MLLT3: variants seen among roughly 807,000 people sequenced by gnomAD.
The protein encoded by MLLT3 is protein AF-9.
MLLT3 carries 4 observed loss-of-function variants against 53.2 expected under a neutral mutation model. That is an observed-to-expected ratio of 0.08 (90% CI 0.04 to 0.17). The LOEUF is 0.17. Ranked by LOEUF, MLLT3 falls within the 10% of genes least tolerant of loss-of-function variation. MLLT3 has a pLI of 1.00. For synonymous variants in MLLT3, 283 were observed against 230.6 expected (o/e 1.23, Z -2.06); for missense variants, 569 against 684.0 (o/e 0.83, Z 1.87).
At chr9:20,562,928 G>C (rs1313147931) in intron 2 of MLLT3, among the ~76,000 whole-genome samples, 1 of 152,126 alleles carries the variant, frequency 6.6e-6, no homozygotes, top group Non-Finnish European at 1.5e-5. Flanking sequence ...TTTGCATTTT[G>C]TCTTTATTTT....
rs1820860369 is a variant in MLLT3, at chr9:20,346,160, TTTG to T, written c.*280_*282del. ...GTTTTCTTGTGTTGTGTTTGATTTG[TTTG>T]TTTTCAAGGCTATCCAGGCTAACTC... On this transcript the variant is annotated 3_prime_UTR_variant, in exon 11 of 11. Coordinates refer to ENST00000380338, the MANE Select transcript of MLLT3 (RefSeq NM_004529.4). The T allele has an allele frequency of 2.9e-6, 1 of 346,306 alleles. No homozygotes were observed. Among genetic ancestry groups the T allele is most frequent in the Non-Finnish European group, 5.3e-6 (1 of 189,082 alleles). 21.5% of individuals were successfully genotyped at this position (346,306 alleles called of 1,614,324 possible).
At chr9:20,545,226 G>A (rs150149536) in intron 2 of MLLT3, among the ~76,000 whole-genome samples, 1 of 150,948 alleles carries the variant, frequency 6.6e-6, no homozygotes, top group East Asian at 2.0e-4. Context: ...ACAGTGGAAT[G>A]TTATTGAGTC....
chr9:20,532,882 AG>A (rs1563804662), intron 2 of MLLT3: 1 of 254,162 alleles, frequency 3.9e-6, no homozygotes, highest in Non-Finnish European at 7.6e-6. Flanking sequence ...AAGCAAGACA[AG>A]AAGCAGAGCT....
At chr9:20,433,991 C>T (rs1823341453) in intron 4 of MLLT3, among the ~76,000 whole-genome samples, 2 of 151,048 alleles carry the variant, frequency 1.3e-5, no homozygotes, top group African/African-American at 2.5e-5. Context: ...TATGGTGGCA[C>T]GCACCTGTAG....
chr9:20,404,982 A>AT (rs919533066), intron 5 of MLLT3, among the ~76,000 whole-genome samples: 16 of 152,010 alleles, frequency 1.1e-4, no homozygotes, highest in South Asian at 6.2e-4. Context: ...TTTTATTATA[A>AT]TTTTTTTCTG....
intron 2 of MLLT3, among the ~76,000 whole-genome samples, chr9:20,597,861 A>T (rs550099312): frequency 7.2e-5 from 11 of 152,342 alleles, no homozygotes; most frequent in African/African-American, 2.2e-4. Flanking sequence ...AATATTTTTT[A>T]ACTAAAACAA....
At chr9:20,453,344 T>C (rs535966604) in intron 3 of MLLT3, among the ~76,000 whole-genome samples, 3 of 152,274 alleles carry the variant, frequency 2.0e-5, no homozygotes, top group Non-Finnish European at 4.4e-5. Context: ...GCAGATCACT[T>C]GAGCCCAGGA....
chr9:20,585,279 A>G (rs183764695), intron 2 of MLLT3, among the ~76,000 whole-genome samples: 1 of 152,284 alleles, frequency 6.6e-6, no homozygotes, highest in East Asian at 1.9e-4. Context: ...TCAACTGACA[A>G]AAACTGTACA....
chr9:20,558,420 C>T (rs1436290187), intron 2 of MLLT3, among the ~76,000 whole-genome samples: 2 of 152,102 alleles, frequency 1.3e-5, no homozygotes, highest in Admixed American at 6.6e-5. Flanking sequence ...TGATTACAGA[C>T]GTGAGCCACT....
At chr9:20,612,511 A>G (rs923895317) in intron 2 of MLLT3, among the ~76,000 whole-genome samples, 2 of 152,188 alleles carry the variant, frequency 1.3e-5, no homozygotes, top group Non-Finnish European at 2.9e-5. Flanking sequence ...AAAAGCTTGC[A>G]TATGGCAAAA....
intron 2 of MLLT3, among the ~76,000 whole-genome samples, chr9:20,575,090 C>T (rs1233552994): frequency 6.6e-6 from 1 of 152,166 alleles, no homozygotes; most frequent in African/African-American, 2.4e-5. Flanking sequence ...GGTTCCACTT[C>T]CAATTCTACT....
intron 5 of MLLT3, among the ~76,000 whole-genome samples, chr9:20,400,607 G>A (rs1822430904): frequency 6.6e-6 from 1 of 151,972 alleles, no homozygotes; most frequent in Admixed American, 6.6e-5. Flanking sequence ...AGGAGAAGAT[G>A]GCACTACACA....
At chr9:20,492,508 ATAGT>A (rs1263867033) in intron 2 of MLLT3, among the ~76,000 whole-genome samples, 1 of 152,026 alleles carries the variant, frequency 6.6e-6, no homozygotes, top group African/African-American at 2.4e-5. Context: ...TCTTGAAAAT[ATAGT>A]TATAAACATA....
At chr9:20,451,760 G>T (rs1195390319) in intron 3 of MLLT3, among the ~76,000 whole-genome samples, 6 of 152,154 alleles carry the variant, frequency 3.9e-5, no homozygotes, top group Non-Finnish European at 8.8e-5. Flanking sequence ...TCACTCTGCA[G>T]AAGCTTCAGT....
chr9:20,362,706 CTTTTTTTTTTT>C (rs989895694), intron 7 of MLLT3: 4 of 99,678 alleles, frequency 4.0e-5, no homozygotes, highest in East Asian at 6.5e-4. Context: ...GTTAAGACCG[CTTTTTTTTTTT>C]TTTTTTTTTT....
At chr9:20,459,436 C>G in intron 2 of MLLT3, among the ~76,000 whole-genome samples, 1 of 152,164 alleles carries the variant, frequency 6.6e-6, no homozygotes, top group East Asian at 1.9e-4. Flanking sequence ...TTGAGCAGCC[C>G]CCACCCCACC....
chr9:20,563,552 G>C (rs904998262), intron 2 of MLLT3, among the ~76,000 whole-genome samples: 2 of 152,002 alleles, frequency 1.3e-5, no homozygotes, highest in Admixed American at 6.6e-5. Context: ...GAGACATCTG[G>C]AACAAGCAGC....
chr9:20,569,127 T>C (rs7019937), intron 2 of MLLT3, among the ~76,000 whole-genome samples: 91,664 of 151,918 alleles, frequency 0.6, 28,023 homozygotes, highest in East Asian at 0.75. Context: ...CAAATGATTG[T>C]AAAAGGAATA....
intron 2 of MLLT3, among the ~76,000 whole-genome samples, chr9:20,605,202 G>C (rs1010013118): frequency 6.6e-6 from 1 of 151,886 alleles, no homozygotes; most frequent in Non-Finnish European, 1.5e-5. Flanking sequence ...AATTCCTCAA[G>C]GATTACAATT....
Sources: allele counts gnomAD v4.1 joint callset (sites outside exome capture counted in the v4.1 genomes callset), GRCh38; gene constraint gnomAD v4.1.1; transcripts MANE v1.5; gene names NCBI Gene and HGNC (gene_info 2026-07-23, HGNC 2026-07-21).